Variants in FSTL4 observed in about 807,000 individuals in gnomAD.
FSTL4 encodes follistatin like 4.
A neutral mutation model predicts 78.2 loss-of-function variants in FSTL4; 28 were observed. The observed-to-expected ratio is 0.36, with a 90% confidence interval of 0.27 to 0.49. The LOEUF is 0.49. Among genes scored for constraint, FSTL4 ranks in the 20% least tolerant of loss-of-function variants. The pLI, the probability that FSTL4 is intolerant of heterozygous loss-of-function variation, is 0.98. For missense variants in FSTL4, 922 were observed against 1,084.9 expected (o/e 0.85, Z 2.11); for synonymous variants, 422 against 440.5 (o/e 0.96, Z 0.53).
chr5:133,741,560 G>A, the FSTL4 span, among the ~76,000 whole-genome samples: 1 of 152,190 alleles, frequency 6.6e-6, no homozygotes, highest in African/African-American at 2.4e-5. Context: ...ATGGGAGCGG[G>A]GGCAAGAAAA....
At chr5:133,781,766 T>C in the FSTL4 span, among the ~76,000 whole-genome samples, 3 of 152,300 alleles carry the variant, frequency 2.0e-5, no homozygotes, top group African/African-American at 7.2e-5. Flanking sequence ...TTGCCAACAA[T>C]TACGGCAATT....
chr5:133,725,822 T>A, the FSTL4 span, among the ~76,000 whole-genome samples: 1 of 152,208 alleles, frequency 6.6e-6, no homozygotes, highest in Non-Finnish European at 1.5e-5. Context: ...TACCTTATGT[T>A]TGGCATCAGG....
intron 3 of FSTL4, among the ~76,000 whole-genome samples, chr5:133,436,179 T>A (rs968249446): frequency 1.3e-5 from 2 of 152,194 alleles, no homozygotes; most frequent in African/African-American, 4.8e-5. Flanking sequence ...ATTACAATGG[T>A]GGCCTATGTT....
chr5:133,262,290 C>A (rs531389281), intron 6 of FSTL4, among the ~76,000 whole-genome samples: 16 of 152,324 alleles, frequency 1.1e-4, no homozygotes, highest in African/African-American at 3.8e-4. Flanking sequence ...ATTTCAGTAA[C>A]TTTCTCCTGA....
chr5:133,240,183 G>A (rs895071393), intron 7 of FSTL4, among the ~76,000 whole-genome samples: 2 of 152,134 alleles, frequency 1.3e-5, no homozygotes, highest in Non-Finnish European at 2.9e-5. Context: ...ACGCATCCGA[G>A]CATCAGAAGG....
intron 6 of FSTL4, among the ~76,000 whole-genome samples, chr5:133,294,153 T>C (rs906767837): frequency 2.0e-5 from 3 of 152,196 alleles, no homozygotes; most frequent in Admixed American, 1.3e-4. Context: ...TGGCGTTCTT[T>C]TGGCAACCGT....
intron 2 of FSTL4, among the ~76,000 whole-genome samples, chr5:133,581,302 A>G (rs914338264): frequency 1.3e-5 from 2 of 152,202 alleles, no homozygotes; most frequent in Non-Finnish European, 2.9e-5. Flanking sequence ...GAGAATCCCA[A>G]GGAAAATCCA....
chr5:133,829,215 C>T, the FSTL4 span, among the ~76,000 whole-genome samples: 794 of 152,228 alleles, frequency 5.2e-3, 29 homozygotes, highest in East Asian at 0.098. Context: ...AACAGCGAAA[C>T]CCTGTTTCTA....
the FSTL4 span, among the ~76,000 whole-genome samples, chr5:133,757,720 C>T: frequency 6.6e-6 from 1 of 152,082 alleles, no homozygotes; most frequent in Admixed American, 6.5e-5. Context: ...GCAGTGAAGA[C>T]CTCAGACAAA....
chr5:133,355,612 T>C (rs1754923781), intron 4 of FSTL4, among the ~76,000 whole-genome samples: 1 of 152,124 alleles, frequency 6.6e-6, no homozygotes, highest in South Asian at 2.1e-4. Context: ...GTCGAGATCG[T>C]GCCACTGCAC....
the FSTL4 span, among the ~76,000 whole-genome samples, chr5:133,630,919 G>GA: frequency 6.6e-6 from 1 of 152,178 alleles, no homozygotes; most frequent in African/African-American, 2.4e-5. Flanking sequence ...ATGGTGTTGG[G>GA]AAAACTGGCT....
chr5:133,652,259 T>C, the FSTL4 span, among the ~76,000 whole-genome samples: 1 of 152,110 alleles, frequency 6.6e-6, no homozygotes, highest in African/African-American at 2.4e-5. Context: ...ATTTCTGCTC[T>C]AATTTTTTAT....
intron 7 of FSTL4, chr5:133,244,146 G>C (rs1190469761): frequency 6.6e-6 from 1 of 152,230 alleles, no homozygotes; most frequent in African/African-American, 2.4e-5. Context: ...TCTCACCCCA[G>C]CCCCCAAAGC....
chr5:133,352,265 CACACATATATATAT>C (rs1213971347), intron 4 of FSTL4, among the ~76,000 whole-genome samples: 4 of 55,052 alleles, frequency 7.3e-5, no homozygotes, highest in Non-Finnish European at 1.4e-4. Context: ...TATATATATA[CACACATATATATAT>C]ACACACATAT....
intron 2 of FSTL4, among the ~76,000 whole-genome samples, chr5:133,600,689 G>A (rs1012116556): frequency 7.2e-5 from 11 of 152,152 alleles, no homozygotes; most frequent in Admixed American, 7.2e-4. Flanking sequence ...ACACACACGC[G>A]TTGGTCATTT....
intron 3 of FSTL4, among the ~76,000 whole-genome samples, chr5:133,411,226 C>T (rs1292189478): frequency 6.6e-6 from 1 of 152,206 alleles, no homozygotes. Context: ...ACACTGGGAG[C>T]TCCAGCCTCT....
chr5:133,308,773 G>T (rs1753710710), intron 6 of FSTL4, among the ~76,000 whole-genome samples: 1 of 152,108 alleles, frequency 6.6e-6, no homozygotes, highest in African/African-American at 2.4e-5. Flanking sequence ...CTGCTTGCCT[G>T]GAGCTTACAC....
intron 4 of FSTL4, among the ~76,000 whole-genome samples, chr5:133,352,269 CAT>C (rs367995365): frequency 4.9e-4 from 37 of 74,822 alleles, no homozygotes; most frequent in Middle Eastern, 7.4e-3. Context: ...TATATACACA[CAT>C]ATATATATAC....
intron 12 of FSTL4, among the ~76,000 whole-genome samples, chr5:133,218,366 G>A (rs991599627): frequency 5.9e-5 from 9 of 152,136 alleles, no homozygotes; most frequent in African/African-American, 2.2e-4. Flanking sequence ...TATAGCATCC[G>A]TGTATGCTCC....
Sources: allele counts gnomAD v4.1 joint callset (sites outside exome capture counted in the v4.1 genomes callset), GRCh38; gene constraint gnomAD v4.1.1; transcripts MANE v1.5; gene names NCBI Gene and HGNC (gene_info 2026-07-23, HGNC 2026-07-21).